Variants in DNAH2 observed in about 807,000 individuals in gnomAD.
DNAH2 encodes axonemal beta dynein heavy chain 2.
In DNAH2, 323 loss-of-function variants were observed where a neutral mutation model predicts 523.5. That is an observed-to-expected ratio of 0.62 (90% CI 0.56 to 0.68). The LOEUF (loss-of-function observed/expected upper bound fraction) is 0.68. Among genes scored for constraint, DNAH2 ranks in the 30% least tolerant of loss-of-function variants. DNAH2 has a pLI of 0.00. For synonymous variants in DNAH2, 2,093 were observed against 2,177.4 expected, an observed-to-expected ratio of 0.96 and a Z score of 1.08; for missense variants, 4,907 against 5,701.5, an observed-to-expected ratio of 0.86 and a Z score of 4.49.
chr17:7,824,091 T>C, intron 75 of DNAH2, 30 bp from the exon 76 acceptor site: 1 of 1,567,488 alleles, frequency 6.4e-7, no homozygotes. Flanking sequence ...TGTGGCCTTC[T>C]GCCTGATGCT....
intron 11 of DNAH2, among the ~76,000 whole-genome samples, chr17:7,742,154 G>A (rs552911905): frequency 8.5e-5 from 13 of 152,128 alleles, no homozygotes; most frequent in South Asian, 2.1e-4. Context: ...CTGGGGCCAG[G>A]TGCGGTGGCT....
chr17:7,779,328 T>C lies in DNAH2; in HGVS notation c.5627T>C (p.Leu1876Pro). The C allele has an allele frequency of 1.2e-6, 2 of 1,614,210 alleles. No individual in the cohort carries two copies. The highest frequency in any genetic ancestry group is 1.7e-6 in the Non-Finnish European group (2 of 1,180,044). ...GTGGCCCACCAGATCCTGTGCATCC[T>C]GTCTGCCCTGGCTGCCGGCCTCACC... ...SVVAHQILCI[L>P]SALAAGLTHF... The change falls in exon 36 of 86, where the codon CTG (leucine) becomes CCG (proline). Residue 1876 changes from leucine to proline, a missense_variant. Physicochemically the swap from Leu to Pro is moderately conservative, Grantham distance 98. Coordinates refer to ENST00000572933, the MANE Select transcript of DNAH2 (RefSeq NM_020877.5).
chr17:7,770,644 G>A lies in DNAH2; in HGVS notation c.4181+5G>A. Reference sequence around the variant, plus strand: ...TAAGGGCCATCATCGGCTCAGGTCAGGGGAGCTGGGGCTCTAGGAGAATGG... The same window carrying A: ...TAAGGGCCATCATCGGCTCAGGTCAAGGGAGCTGGGGCTCTAGGAGAATGG... On this transcript the variant is annotated splice_donor_5th_base_variant and intron_variant, in intron 26 of 85. Transcript: ENST00000572933. The A allele has an allele frequency of 2.5e-6, 4 of 1,614,150 alleles. No individual in the cohort carries two copies. The highest frequency in any genetic ancestry group is 2.7e-5 in the African/African-American group (2 of 75,058).
intron 1 of DNAH2, among the ~76,000 whole-genome samples, chr17:7,719,045 T>A (rs1567591752): frequency 6.6e-6 from 1 of 151,998 alleles, no homozygotes; most frequent in African/African-American, 2.4e-5. Context: ...GCTTGATAGA[T>A]CTTTTCCTGA....
Position 7,776,108 on chromosome 17 carries a change from C to T in DNAH2, c.4906C>T (p.Leu1636Phe), listed in dbSNP as rs1437101132. 3.1e-6 allele frequency: 5 copies of T among 1,613,918 alleles called. No homozygotes were observed. Among genetic ancestry groups the T allele is most frequent in the Non-Finnish European group, 3.4e-6 (4 of 1,179,948 alleles). ...RNCHLALRKF[L>F]NKRDKWVKEW... The stretch of plus-strand genomic sequence containing the variant: ...CTGCCACCTGGCCCTCAGGAAGTTC[C>T]TCAACAAGAGGGACAAATGGGTGAA... Residue 1636 changes from leucine (L) to phenylalanine (F), a missense_variant, in exon 31 of 86, where the codon CTC (leucine) becomes TTC (phenylalanine). Physicochemically the swap from Leu to Phe is conservative, Grantham distance 22. This residue lies in a region of DNAH2 where 2,806 missense variants were observed against 3,190.8 expected (regional missense o/e 0.88). Coordinates refer to ENST00000572933, the MANE Select transcript of DNAH2 (RefSeq NM_020877.5).
In DNAH2 at chr17:7,721,884, A is replaced by C. The variant is rs188417664; in HGVS notation, c.167-1744A>C. On this transcript the variant is annotated intron_variant, in intron 2 of 85. Coordinates refer to ENST00000572933, the MANE Select transcript of DNAH2 (RefSeq NM_020877.5). ...GAAGGGCTGATTCCTATGAGCCCCA[A>C]CTTCTCCATGTGGGAAGAGGAGTGG... Among the ~76,000 whole-genome samples the C allele has an allele frequency of 2.6e-5, 4 of 152,162 alleles. No individual in the cohort carries two copies. The South Asian group carries it at 6.2e-4, about 24-fold the overall frequency.
intron 48 of DNAH2, among the ~76,000 whole-genome samples, chr17:7,793,433 T>TTTTCTTTCTTTCTTTCTTTTTCTTTC (rs146410752): frequency 9.7e-6 from 1 of 102,636 alleles, no homozygotes; most frequent in Non-Finnish European, 2.2e-5. Context: ...CCTGCTTGCT[T>TTTTCTTTCTTTCTTTCTTTTTCTTTC]TTTCTTTCTT....
chr17:7,812,838 G>T (rs1460339222), intron 63 of DNAH2, among the ~76,000 whole-genome samples: 1 of 150,166 alleles, frequency 6.7e-6, no homozygotes, highest in Non-Finnish European at 1.5e-5. Flanking sequence ...AGCTACTAGG[G>T]AGGCTGAGGC....
Position 7,723,634 on chromosome 17 carries a change from G to A in DNAH2, c.173G>A (p.Arg58Gln), listed in dbSNP as rs1021579404. The A allele has an allele frequency of 2.1e-5, 34 of 1,613,788 alleles. No individual in the cohort carries two copies. The highest frequency in any genetic ancestry group is 2.8e-5 in the Non-Finnish European group (33 of 1,179,922). The change falls in exon 3 of 86, where the codon CGG becomes CAG. Residue 58 changes from arginine (R) to glutamine (Q), a missense_variant. Physicochemically the swap from Arg to Gln is conservative, Grantham distance 43 (BLOSUM62 1). This residue lies in a region of DNAH2 where 2,806 missense variants were observed against 3,190.8 expected (regional missense o/e 0.88). Transcript: ENST00000572933. ...GTATGTTTATTCTTCCTAGAGCCACGGTTGGAGGGACCTCAAGCACAGAGT... is the reference window on the plus strand; with the variant it reads ...GTATGTTTATTCTTCCTAGAGCCACAGTTGGAGGGACCTCAAGCACAGAGT... ...AELPKEEPEP[R>Q]LEGPQAQSEE...
chr17:7,830,894 G>GTT, intron 79 of DNAH2, 52 bp downstream of exon 79: 1 of 1,608,300 alleles, frequency 6.2e-7, no homozygotes, highest in East Asian at 2.2e-5. Context: ...AGTCAGCCAG[G>GTT]TGGTGGGATC....
Position 7,743,035 on chromosome 17 carries a change from C to G in DNAH2, c.1797C>G (p.Phe599Leu). 1 of 1,526,370 alleles carries G rather than the reference C, an allele frequency of 6.6e-7. No homozygotes were observed. Among genetic ancestry groups the G allele is most frequent in the Non-Finnish European group, 8.8e-7 (1 of 1,141,384 alleles). 94.6% of individuals were successfully genotyped at this position (1,526,370 alleles called of 1,614,324 possible). ...TTGATGAGCTGGTTCGAAAAACCTTCCAAGAGTGGACATCAAGTCTGGACA... is the reference window on the plus strand; with the variant it reads ...TTGATGAGCTGGTTCGAAAAACCTTGCAAGAGTGGACATCAAGTCTGGACA... ...QAIDELVRKTFQEWTSSLDKD... is the reference protein window; with the variant it reads ...QAIDELVRKTLQEWTSSLDKD... The change falls in exon 12 of 86, where the codon TTC becomes TTG. Residue 599 changes from phenylalanine (F) to leucine (L), a missense_variant. Phe to Leu is a conservative substitution (Grantham distance 22, BLOSUM62 0). Coordinates refer to ENST00000572933, the MANE Select transcript of DNAH2 (RefSeq NM_020877.5).
intron 63 of DNAH2, among the ~76,000 whole-genome samples, chr17:7,812,849 A>G (rs2151313812): frequency 7.0e-6 from 1 of 143,812 alleles, no homozygotes; most frequent in South Asian, 2.3e-4. Flanking sequence ...AGGCTGAGGC[A>G]GGAGAATCAC....
In DNAH2 at chr17:7,760,982, G is replaced by A; in HGVS notation, c.2978+50G>A. ...GTCTGTCTGTAGGAGGCACAGCACT[G>A]CAGGAGGAGCCCAGGCCTAGAGTCT... On this transcript the variant is annotated intron_variant, in intron 18 of 85. Coordinates refer to ENST00000572933, the MANE Select transcript of DNAH2 (RefSeq NM_020877.5). This position sits in a 1 kb window ranked among gnomAD's most constrained non-coding sequence, Gnocchi z 4.0. The A allele has an allele frequency of 1.3e-6, 2 of 1,599,534 alleles. No individual in the cohort carries two copies. Among genetic ancestry groups the A allele is most frequent in the Non-Finnish European group, 1.7e-6 (2 of 1,171,796 alleles).
chr17:7,732,544 T>G (rs894233902), intron 4 of DNAH2, among the ~76,000 whole-genome samples: 1 of 151,870 alleles, frequency 6.6e-6, no homozygotes, highest in Non-Finnish European at 1.5e-5. Flanking sequence ...TTTCTAAATA[T>G]GTAGCAGTCA....
rs147043611 is a variant in DNAH2, at chr17:7,791,934, C to T, written c.6918C>T (p.Gly2306=). The T allele has an allele frequency of 4.7e-3, 7,580 of 1,613,636 alleles. 30 individuals carry two copies. The highest frequency in any genetic ancestry group is 0.013 in the South Asian group (1,157 of 91,024). ...CCATCCAGGTGAACCCAGCTGACGGCGAGAACTATGTCACCATGGTAGAGA... is the reference window on the plus strand; with the variant it reads ...CCATCCAGGTGAACCCAGCTGACGGTGAGAACTATGTCACCATGGTAGAGA... The part of the protein sequence containing the change: ...TPENGVNPAD[G]ENYVTMVEMT... The change falls in exon 45 of 86, where the codon GGC becomes GGT. Residue 2306 remains glycine (G), a synonymous_variant. Transcript: ENST00000572933.
chr17:7,833,015 G>C, intron 84 of DNAH2, 56 bp from the exon 85 acceptor site: 1 of 1,613,158 alleles, frequency 6.2e-7, no homozygotes, highest in Non-Finnish European at 8.5e-7. Context: ...GAGCAGGTCA[G>C]GGGCGCTGGC....
chr17:7,723,537 G>A, intron 2 of DNAH2, 91 bp from the exon 3 acceptor site: 1 of 1,039,554 alleles, frequency 9.6e-7, no homozygotes, highest in Non-Finnish European at 1.5e-6. Flanking sequence ...CTCCCAAAGT[G>A]CTAGGACTAC....
At chr17:7,806,879 GA>G (rs1386856976) in intron 61 of DNAH2, among the ~76,000 whole-genome samples, 1 of 151,974 alleles carries the variant, frequency 6.6e-6, no homozygotes, top group East Asian at 1.9e-4. Context: ...AAAGCAGAGA[GA>G]AAAAAAGTGA....
intron 63 of DNAH2, among the ~76,000 whole-genome samples, chr17:7,813,887 G>GAC (rs1463457939): frequency 2.7e-5 from 4 of 148,632 alleles, no homozygotes; most frequent in African/African-American, 1.0e-4. Context: ...CAGCCTGGGC[G>GAC]ACAGTGTGAG....
Sources: allele counts gnomAD v4.1 joint callset (sites outside exome capture counted in the v4.1 genomes callset), GRCh38; gene constraint gnomAD v4.1.1; regional missense constraint gnomAD v4.1.1; non-coding constraint Gnocchi (gnomAD v3.1); transcripts MANE v1.5; gene names NCBI Gene and HGNC (gene_info 2026-07-23, HGNC 2026-07-21).